Variants in CCDC60 observed in about 807,000 individuals in gnomAD.
CCDC60 encodes the protein coiled-coil domain-containing protein 60.
A neutral mutation model predicts 63.5 loss-of-function variants in CCDC60; 54 were observed. The ratio of observed to expected loss-of-function variants is 0.85; its 90% CI spans 0.68 to 1.07. CCDC60 has a LOEUF of 1.07. Among genes scored for constraint, CCDC60 ranks in the 50% least tolerant of loss-of-function variants. The probability of loss-of-function intolerance (pLI) is 0.00; values close to 1 mark genes in which losing one functional copy is unlikely to be tolerated. For missense variants in CCDC60, 651 were observed against 684.3 expected, an observed-to-expected ratio of 0.95 and a Z score of 0.54; for synonymous variants, 206 against 238.8, an observed-to-expected ratio of 0.86 and a Z score of 1.27.
intron 1 of CCDC60, among the ~76,000 whole-genome samples, chr12:119,385,244 C>T (rs531171075): frequency 7.2e-5 from 11 of 152,316 alleles, no homozygotes; most frequent in Middle Eastern, 3.4e-3. Flanking sequence ...ACTTAATGAC[C>T]TCCCTTGCTC....
At chr12:119,471,937 T>C in intron 2 of CCDC60, 57 bp from the exon 3 acceptor site, 1 of 1,446,496 alleles carries the variant, frequency 6.9e-7, no homozygotes, top group Non-Finnish European at 9.5e-7. Flanking sequence ...TTTCCTTCTC[T>C]CTCTCCACCC....
At chr12:119,371,560 G>A (rs1213521398) in intron 1 of CCDC60, among the ~76,000 whole-genome samples, 2 of 152,206 alleles carry the variant, frequency 1.3e-5, no homozygotes. Context: ...CCGCTTAAAA[G>A]CCATCAAATC....
At chr12:119,524,572 G>A (rs1183063158) in intron 11 of CCDC60, 1 of 422,392 alleles carries the variant, frequency 2.4e-6, no homozygotes, top group Non-Finnish European at 3.2e-6. Context: ...CAGTAGGGAA[G>A]ATGGAAAGGT....
At chr12:119,498,653 T>G (rs1951769852) in intron 5 of CCDC60, among the ~76,000 whole-genome samples, 1 of 152,212 alleles carries the variant, frequency 6.6e-6, no homozygotes, top group African/African-American at 2.4e-5. Flanking sequence ...AAGTTCCTGC[T>G]CTCTGCTAGG....
chr12:119,430,903 G>A (rs566478288), intron 2 of CCDC60, among the ~76,000 whole-genome samples: 47 of 152,314 alleles, frequency 3.1e-4, no homozygotes, highest in Non-Finnish European at 2.8e-4. Context: ...AAGAGTCAAT[G>A]CTGGGATGTT....
chr12:119,428,476 C>A (rs532461157), intron 1 of CCDC60, among the ~76,000 whole-genome samples: 1 of 152,252 alleles, frequency 6.6e-6, no homozygotes, highest in Admixed American at 6.5e-5. Context: ...GGTCAGGGCT[C>A]AGGTCCATCT....
At chr12:119,512,984 C>G (rs868249189) in intron 7 of CCDC60, among the ~76,000 whole-genome samples, 5 of 152,328 alleles carry the variant, frequency 3.3e-5, no homozygotes, top group Middle Eastern at 3.4e-3. Context: ...CTCCAAGTCC[C>G]TTCTTCCCAA....
At position 119,528,618 on chromosome 12, in the gene CCDC60, C is replaced by T; in HGVS notation, c.1233C>T (p.Arg411=). Reference sequence around the variant, plus strand: ...TCTTTCTCATACAACCTTGTAGGCGCCAAGAAGAGAGAGGTATCCAGAAGT... The same window carrying T: ...TCTTTCTCATACAACCTTGTAGGCGTCAAGAAGAGAGAGGTATCCAGAAGT... ...LQDKMEILMK[R]QEERGIQKFR... The change falls in exon 12 of 14, where the codon CGC becomes CGT. Residue 411 remains arginine (R), a synonymous_variant. Coordinates refer to ENST00000327554, the MANE Select transcript of CCDC60 (RefSeq NM_178499.5). The T allele has an allele frequency of 6.2e-7, 1 of 1,612,678 alleles. No homozygotes were observed. Among genetic ancestry groups the T allele is most frequent in the Non-Finnish European group, 8.5e-7 (1 of 1,179,288 alleles).
At chr12:119,429,804 G>A (rs550537252) in intron 2 of CCDC60, 41 of 152,314 alleles carry the variant, frequency 2.7e-4, no homozygotes, top group African/African-American at 9.9e-4. Flanking sequence ...GGGTGGCTGT[G>A]TCAGCTATTG....
chr12:119,481,082 T>C (rs1219109630), intron 4 of CCDC60, among the ~76,000 whole-genome samples: 2 of 151,782 alleles, frequency 1.3e-5, no homozygotes, highest in Non-Finnish European at 1.5e-5. Flanking sequence ...ATCATCATCA[T>C]CACCATCATC....
intron 1 of CCDC60, among the ~76,000 whole-genome samples, chr12:119,344,112 C>T (rs138693687): frequency 2.0e-3 from 301 of 152,260 alleles, no homozygotes; most frequent in Middle Eastern, 0.01. Context: ...AAATTTGGCA[C>T]TATTGAACAT....
At chr12:119,489,802 A>G (rs1871416798) in intron 5 of CCDC60, among the ~76,000 whole-genome samples, 1 of 150,192 alleles carries the variant, frequency 6.7e-6, no homozygotes, top group Non-Finnish European at 1.5e-5. Context: ...CCAAAACCTG[A>G]GTCTTTTTTT....
chr12:119,507,399 G>A (rs940850405), intron 7 of CCDC60, among the ~76,000 whole-genome samples: 1 of 149,780 alleles, frequency 6.7e-6, no homozygotes, highest in African/African-American at 2.5e-5. Flanking sequence ...TAGACCATCA[G>A]CAGATATGCG....
At chr12:119,433,311 A>G in intron 2 of CCDC60, 1 of 670,202 alleles carries the variant, frequency 1.5e-6, no homozygotes, top group Non-Finnish European at 2.7e-6. Flanking sequence ...TCAGTTGGTC[A>G]GCTGAGTCTG....
intron 1 of CCDC60, among the ~76,000 whole-genome samples, chr12:119,384,162 C>T (rs1956037316): frequency 6.6e-6 from 1 of 151,848 alleles, no homozygotes; most frequent in Non-Finnish European, 1.5e-5. Flanking sequence ...TGCCACTACA[C>T]TCCAGCCTAG....
In CCDC60 at chr12:119,406,386, TTGTCTC is replaced by T. The variant is rs532924261; in HGVS notation, c.91-22294_91-22289del. Among the ~76,000 whole-genome samples, 148 of 152,274 alleles carry T rather than the reference TTGTCTC, an allele frequency of 9.7e-4. 1 individual carries two copies. The highest frequency in any genetic ancestry group is 3.4e-3 in the Middle Eastern group (1 of 294). On this transcript the variant is annotated intron_variant, in intron 1 of 13. Transcript: ENST00000327554. The stretch of plus-strand genomic sequence containing the variant: ...TACCCATAATTCAGTTTCCCAGGCT[TTGTCTC>T]TGAGTTGTCTAAAAGTTGAAAAATC...
At chr12:119,375,199 G>A (rs2136179960) in intron 1 of CCDC60, among the ~76,000 whole-genome samples, 1 of 152,286 alleles carries the variant, frequency 6.6e-6, no homozygotes, top group East Asian at 1.9e-4. Context: ...TCTTAAGAAT[G>A]TATCCATATG....
intron 1 of CCDC60, among the ~76,000 whole-genome samples, chr12:119,346,820 CTTTCTTTCTTTCTTTT>C: frequency 8.5e-6 from 1 of 117,354 alleles, no homozygotes; most frequent in South Asian, 2.6e-4. Flanking sequence ...TTCTTTCTTT[CTTTCTTTCTTTCTTTT>C]TTTTTTGAGA....
intron 3 of CCDC60, among the ~76,000 whole-genome samples, chr12:119,477,785 T>C (rs1951208146): frequency 6.6e-6 from 1 of 152,180 alleles, no homozygotes; most frequent in African/African-American, 2.4e-5. Context: ...ATCATTCTTG[T>C]GTAGAAACAC....
Sources: allele counts gnomAD v4.1 joint callset (sites outside exome capture counted in the v4.1 genomes callset), GRCh38; gene constraint gnomAD v4.1.1; transcripts MANE v1.5; gene names NCBI Gene and HGNC (gene_info 2026-07-23, HGNC 2026-07-21).